Variants in KLHL8 observed in about 807,000 individuals in gnomAD.
KLHL8 encodes the protein kelch-like protein 8.
Under a neutral mutation model 63.5 loss-of-function variants are expected in KLHL8, and 38 were observed. The observed-to-expected ratio is 0.60, with a 90% CI of 0.46 to 0.78. The LOEUF (loss-of-function observed/expected upper bound fraction) is 0.78, where lower values mean the gene tolerates loss of function less well. Among genes scored for constraint, KLHL8 ranks in the 30% least tolerant of loss-of-function variants. The probability of loss-of-function intolerance (pLI) is 0.00; values close to 1 mark genes in which losing one functional copy is unlikely to be tolerated. For missense variants in KLHL8, 566 were observed against 752.4 expected (o/e 0.75, Z 2.90); for synonymous variants, 224 against 254.3 (o/e 0.88, Z 1.13).
At chr4:87,172,787 C>T (rs191130924) in intron 6 of KLHL8, among the ~76,000 whole-genome samples, 1 of 152,200 alleles carries the variant, frequency 6.6e-6, no homozygotes, top group African/African-American at 2.4e-5. Flanking sequence ...TTACAATAAC[C>T]CTTTTTGGTC....
At chr4:87,234,175 C>T (rs1351239862) in intron 1 of KLHL8, among the ~76,000 whole-genome samples, 1 of 152,186 alleles carries the variant, frequency 6.6e-6, no homozygotes, top group East Asian at 1.9e-4. Flanking sequence ...TGTGGTGGCT[C>T]ACGCCTGTAA....
intron 5 of KLHL8, 76 bp downstream of exon 5, chr4:87,178,401 A>C: frequency 7.2e-7 from 1 of 1,396,798 alleles, no homozygotes; most frequent in Non-Finnish European, 9.7e-7. Flanking sequence ...TCTTATATAA[A>C]AATAAATTCT....
intron 1 of KLHL8, among the ~76,000 whole-genome samples, chr4:87,197,079 G>C (rs953098695): frequency 6.6e-6 from 1 of 152,178 alleles, no homozygotes; most frequent in Non-Finnish European, 1.5e-5. Flanking sequence ...AATGGTTAAT[G>C]TAAGGTTATA....
chr4:87,179,082 CA>C (rs1314292982), intron 4 of KLHL8, among the ~76,000 whole-genome samples: 1 of 152,164 alleles, frequency 6.6e-6, no homozygotes, highest in Non-Finnish European at 1.5e-5. Context: ...TTTTTGCTCA[CA>C]CAGGAAAAGT....
chr4:87,212,672 G>C (rs1161339154), intron 1 of KLHL8, among the ~76,000 whole-genome samples: 2 of 152,210 alleles, frequency 1.3e-5, no homozygotes, highest in Non-Finnish European at 2.9e-5. Flanking sequence ...AATAGATGAT[G>C]ATGGTGACCA....
At chr4:87,220,255 G>C (rs1472124326) in intron 1 of KLHL8, 163 bp downstream of exon 1, 1 of 152,374 alleles carries the variant, frequency 6.6e-6, no homozygotes, top group Non-Finnish European at 1.5e-5. Flanking sequence ...GTTGGTGCAC[G>C]AGGGCTCGAA....
At chr4:87,192,457 T>C (rs1731530487) in intron 2 of KLHL8, among the ~76,000 whole-genome samples, 1 of 152,184 alleles carries the variant, frequency 6.6e-6, no homozygotes, top group South Asian at 2.1e-4. Flanking sequence ...CTTTTTACTG[T>C]ACCTTTTCTG....
At chr4:87,228,138 T>C (rs2110068801) in intron 1 of KLHL8, among the ~76,000 whole-genome samples, 1 of 152,318 alleles carries the variant, frequency 6.6e-6, no homozygotes, top group South Asian at 2.1e-4. Context: ...GACATGGAAG[T>C]TCTGCGTGTG....
At chr4:87,199,425 A>G (rs1458894312) in intron 1 of KLHL8, among the ~76,000 whole-genome samples, 2 of 152,154 alleles carry the variant, frequency 1.3e-5, no homozygotes, top group Non-Finnish European at 1.5e-5. Flanking sequence ...CGTGGGGAAA[A>G]GGATTCACAA....
chr4:87,227,118 G>A (rs1733041996), intron 1 of KLHL8, among the ~76,000 whole-genome samples: 1 of 148,280 alleles, frequency 6.7e-6, no homozygotes, highest in Admixed American at 7.0e-5. Context: ...CAACATGGCA[G>A]ACCCTACTAG....
intron 1 of KLHL8, among the ~76,000 whole-genome samples, chr4:87,237,618 A>G (rs530769828): frequency 7.2e-5 from 11 of 152,198 alleles, no homozygotes; most frequent in African/African-American, 2.4e-4. Context: ...GCACGAGCCC[A>G]GGAGTTAGAG....
chr4:87,202,240 T>C (rs547693670), intron 1 of KLHL8, among the ~76,000 whole-genome samples: 3 of 151,232 alleles, frequency 2.0e-5, no homozygotes, highest in Non-Finnish European at 3.0e-5. Flanking sequence ...AAAATGAAAA[T>C]AAAAAACAAT....
intron 6 of KLHL8, among the ~76,000 whole-genome samples, chr4:87,173,935 A>G (rs2079966487): frequency 6.6e-6 from 1 of 152,036 alleles, no homozygotes; most frequent in Admixed American, 6.6e-5. Context: ...TCATGAGGGG[A>G]AAAAAAGCTT....
At chr4:87,164,974 C>A (rs1335198027) in intron 8 of KLHL8, among the ~76,000 whole-genome samples, 1 of 151,610 alleles carries the variant, frequency 6.6e-6, no homozygotes, top group South Asian at 2.1e-4. Flanking sequence ...CGGTGAAACC[C>A]CGTCTCTACT....
chr4:87,204,383 TAA>T (rs778181173), intron 1 of KLHL8, among the ~76,000 whole-genome samples: 15 of 137,916 alleles, frequency 1.1e-4, no homozygotes, highest in Admixed American at 7.3e-5. Context: ...ATCACTGTTC[TAA>T]AAAAAAAAAA....
intron 1 of KLHL8, among the ~76,000 whole-genome samples, chr4:87,201,910 T>G (rs928148155): frequency 6.6e-6 from 1 of 151,862 alleles, no homozygotes; most frequent in Non-Finnish European, 1.5e-5. Context: ...TAGGTGAAAG[T>G]TCAGAAAATT....
At chr4:87,178,740 G>T in intron 4 of KLHL8, 120 bp from the exon 5 acceptor site, 1 of 897,276 alleles carries the variant, frequency 1.1e-6, no homozygotes, top group Non-Finnish European at 1.6e-6. Flanking sequence ...AGTATTCAAT[G>T]TTATTATGTT....
chr4:87,167,123 GA>G (rs761901443), intron 8 of KLHL8: 40 of 460,934 alleles, frequency 8.7e-5, no homozygotes, highest in Non-Finnish European at 7.8e-5. Flanking sequence ...TGGAATTCGG[GA>G]AACGTTATTT....
At position 87,183,265 on chromosome 4, in the gene KLHL8, C is replaced by T. The variant is rs766970544; in HGVS notation, c.890G>A (p.Ser297Asn). The T allele has an allele frequency of 3.1e-6, 5 of 1,613,856 alleles. No individual in the cohort carries two copies. Among genetic ancestry groups the T allele is most frequent in the Non-Finnish European group, 4.2e-6 (5 of 1,179,842 alleles). ...DEARNYHLHL[S>N]SRAVPDFEYS... ...TTCAAAGTCAGGTACTGCTCTGCTA[C>T]TCAAGTGAAGGTGGTAATTTCTTGC... is the stretch of plus-strand genomic sequence containing the variant. The change falls in exon 4 of 10, where the codon AGT (serine) becomes AAT (asparagine). Residue 297 changes from serine (S) to asparagine (N), a missense_variant. Physicochemically the swap from Ser to Asn is conservative, Grantham distance 46 (BLOSUM62 1). Coordinates refer to ENST00000273963, the MANE Select transcript of KLHL8 (RefSeq NM_020803.5).
Sources: gnomAD v4.1 joint callset for allele counts (sites outside exome capture counted in the v4.1 genomes callset) on GRCh38, gnomAD v4.1.1 for gene constraint, MANE v1.5 for transcripts, NCBI Gene and HGNC (gene_info 2026-07-23, HGNC 2026-07-21) for gene names.